The following PIEZO2 variants were observed in gnomAD, a reference collection of about 807,000 sequenced individuals.
PIEZO2 encodes the protein piezo type mechanosensitive ion channel component 2, also known as piezo-type mechanosensitive ion channel component 2.
A neutral mutation model predicts 337.3 loss-of-function variants in PIEZO2; 172 were observed. That is an observed-to-expected ratio of 0.51 (90% CI 0.45 to 0.58). The LOEUF (loss-of-function observed/expected upper bound fraction) is 0.58, where lower values mean the gene tolerates loss of function less well. PIEZO2 is among the 20% of genes least tolerant of loss of function. PIEZO2 has a pLI of 0.00. For missense variants in PIEZO2, 3,028 were observed against 3,391.3 expected, an observed-to-expected ratio of 0.89 and a Z score of 2.66; for synonymous variants, 1,251 against 1,228.5, an observed-to-expected ratio of 1.02 and a Z score of -0.38.
At chr18:10,769,735 G>A (rs1881091) in intron 21 of PIEZO2, 132,267 of 156,716 alleles carry the variant, frequency 0.84, 55,923 homozygotes, top group East Asian at 0.93. Flanking sequence ...AAGAAATCCA[G>A]TAGTAAACAA....
chr18:10,994,988 C>T (rs1304128697), intron 2 of PIEZO2, among the ~76,000 whole-genome samples: 2 of 148,482 alleles, frequency 1.3e-5, no homozygotes, highest in Non-Finnish European at 3.0e-5. Flanking sequence ...AGGAGAATTG[C>T]TTGAACCCGG....
chr18:10,957,937 A>C (rs1354437899), intron 3 of PIEZO2, among the ~76,000 whole-genome samples: 1 of 152,220 alleles, frequency 6.6e-6, no homozygotes, highest in Non-Finnish European at 1.5e-5. Flanking sequence ...GTCATCAGGG[A>C]AATGCAAATT....
intron 43 of PIEZO2, among the ~76,000 whole-genome samples, chr18:10,700,143 G>T (rs1292886410): frequency 6.6e-6 from 1 of 152,098 alleles, no homozygotes; most frequent in Non-Finnish European, 1.5e-5. Context: ...ATTATTTTAA[G>T]AGTTGTTTCC....
Position 11,148,828 on chromosome 18 carries a change from C to G in PIEZO2, c.-240G>C, listed in dbSNP as rs1435385377. The G allele has an allele frequency of 4.5e-6, 2 of 440,952 alleles. No individual in the cohort carries two copies. The highest frequency in any genetic ancestry group is 8.9e-5 in the Admixed American group (2 of 22,350). The allele number at this position is 440,952 out of a possible 1,614,324, so 27.3% of individuals were successfully genotyped here. ...CACCAGGCTCTTGGCGGCCACCTAG[C>G]CCGGCGCCCGGCCCCCTGCGGCCGG... On this transcript the variant is annotated 5_prime_UTR_variant, in exon 1 of 56. Coordinates refer to ENST00000674853, the MANE Select transcript of PIEZO2 (RefSeq NM_001378183.1). The surrounding 1 kb of genome is among the most constrained non-coding windows in gnomAD (Gnocchi z 5.2).
rs78684957 is a variant in PIEZO2, at chr18:10,997,491, T to A, written c.161-17831A>T. Among the ~76,000 whole-genome samples the A allele has an allele frequency of 2.0e-3, 304 of 152,298 alleles. 7 individuals are homozygous for A. In the East Asian group the frequency reaches 0.047, roughly 24 times the overall value. On this transcript the variant is annotated intron_variant, in intron 2 of 55. Coordinates refer to ENST00000674853, the MANE Select transcript of PIEZO2 (RefSeq NM_001378183.1). ...GAAAATGATTTTAAACCAACCATTA[T>A]AACCAGGCTCCATGATGTAAAAGTA...
At chr18:11,142,851 G>A (rs559997337) in intron 1 of PIEZO2, among the ~76,000 whole-genome samples, 24 of 151,752 alleles carry the variant, frequency 1.6e-4, no homozygotes, top group Middle Eastern at 7.0e-3. Flanking sequence ...GGCCAAGGTC[G>A]GGGGATCACG....
chr18:11,049,205 G>A (rs374103271), intron 2 of PIEZO2, among the ~76,000 whole-genome samples: 3 of 152,168 alleles, frequency 2.0e-5, no homozygotes, highest in African/African-American at 7.2e-5. Context: ...ATGAGTTCTT[G>A]TGAACAGCAC....
At chr18:11,098,809 T>A (rs989679983) in intron 1 of PIEZO2, among the ~76,000 whole-genome samples, 1 of 151,918 alleles carries the variant, frequency 6.6e-6, no homozygotes, top group African/African-American at 2.4e-5. Flanking sequence ...TAAAAAAAAT[T>A]TTTTTTGAGA....
chr18:11,120,279 G>T (rs2146192276), intron 1 of PIEZO2, among the ~76,000 whole-genome samples: 1 of 152,218 alleles, frequency 6.6e-6, no homozygotes. Flanking sequence ...CAAGTTCGGA[G>T]GCATCTTTTG....
intron 39 of PIEZO2, chr18:10,709,725 T>C (rs535454682): frequency 4.7e-4 from 72 of 152,378 alleles, no homozygotes; most frequent in African/African-American, 1.6e-3. Flanking sequence ...TCCCATGTGC[T>C]GGAGCACAAG....
chr18:10,931,741 A>AGG (rs1310538642), intron 3 of PIEZO2, among the ~76,000 whole-genome samples: 2 of 145,394 alleles, frequency 1.4e-5, no homozygotes, highest in Non-Finnish European at 3.0e-5. Flanking sequence ...AGAGAGAGAG[A>AGG]GGGAAAGCTC....
At chr18:11,137,222 A>G (rs758830485) in intron 1 of PIEZO2, among the ~76,000 whole-genome samples, 1 of 152,148 alleles carries the variant, frequency 6.6e-6, no homozygotes, top group Non-Finnish European at 1.5e-5. Context: ...CCTGAACCAC[A>G]TCTCTAACAT....
rs185347411 is a variant in PIEZO2, at chr18:10,975,073, G to T, written c.286+4462C>A. Reference sequence around the variant, plus strand: ...AGCTCACCTGGAACAAGAAAGGAAGGAGTCATTAATTGAAAAAGGAATAGA... The same window carrying T: ...AGCTCACCTGGAACAAGAAAGGAAGTAGTCATTAATTGAAAAAGGAATAGA... On this transcript the variant is annotated intron_variant, in intron 3 of 55. Coordinates refer to ENST00000674853, the MANE Select transcript of PIEZO2 (RefSeq NM_001378183.1). 7.2e-4 allele frequency among the ~76,000 whole-genome samples: 110 copies of T among 152,340 alleles called. 1 individual carries two copies. The highest frequency in any genetic ancestry group is 4.6e-4 in the Non-Finnish European group (31 of 68,034).
At chr18:10,981,330 A>C (rs1201520637) in intron 2 of PIEZO2, among the ~76,000 whole-genome samples, 1 of 152,186 alleles carries the variant, frequency 6.6e-6, no homozygotes, top group Admixed American at 6.5e-5. Flanking sequence ...AATCCATAAA[A>C]TATTAGCAAA....
In PIEZO2 at chr18:10,979,654, G is replaced by A. The variant is rs957467830; in HGVS notation, c.167C>T (p.Thr56Met). 6 of 1,534,326 alleles carry A rather than the reference G, an allele frequency of 3.9e-6. No individual in the cohort carries two copies. Among genetic ancestry groups the A allele is most frequent in the Non-Finnish European group, 5.2e-6 (6 of 1,144,942 alleles). The change falls in exon 3 of 56, where the codon ACG (threonine) becomes ATG (methionine). Residue 56 changes from threonine to methionine, a missense_variant. Physicochemically the swap from Thr to Met is moderately conservative, Grantham distance 81 (BLOSUM62 -1). Around this residue, in one of 5 missense-constraint regions of PIEZO2, gnomAD observed 542 missense variants for 605.6 expected, o/e 0.89. Coordinates refer to ENST00000674853, the MANE Select transcript of PIEZO2 (RefSeq NM_001378183.1). This position sits in a 1 kb window ranked among gnomAD's most constrained non-coding sequence, Gnocchi z 4.0. The stretch of plus-strand genomic sequence containing the variant: ...GCACAGAGACTTTAATAACCGTCCC[G>A]TATGTCCTAAGGGATAAAAAGTGCA... ...EPTKTTMQGH[T>M]GRLLKSLCFI...
intron 2 of PIEZO2, among the ~76,000 whole-genome samples, chr18:11,029,353 C>G (rs2036648385): frequency 6.6e-6 from 1 of 152,182 alleles, no homozygotes. Context: ...CTACCACATT[C>G]CATATCAAAT....
chr18:10,698,012 C>CGGATGCATTTGTGAACAATTTCTGA, intron 44 of PIEZO2, 132 bp from the exon 45 acceptor site: 1 of 1,062,350 alleles, frequency 9.4e-7, no homozygotes, highest in Non-Finnish European at 1.3e-6. Context: ...TGAGTATGCA[C>CGGATGCATTTGTGAACAATTTCTGA]GGCCTTGGGA....
chr18:10,742,689 T>G lies in PIEZO2; in HGVS notation c.4515-74A>C, dbSNP rs1031362507. ...TCATGTGGTCAGTACTTTGGACTTA[T>G]GCTGTTACGTATATAGCTAAATTCG... is the stretch of plus-strand genomic sequence containing the variant. On this transcript the variant is annotated intron_variant, in intron 31 of 55. Transcript: ENST00000674853. The G allele has an allele frequency of 3.4e-6, 5 of 1,475,736 alleles. No individual in the cohort carries two copies. The Admixed American group carries it at 8.3e-5, about 24-fold the overall frequency. The allele number at this position is 1,475,736 out of a possible 1,614,324, so 91.4% of individuals were successfully genotyped here.
intron 14 of PIEZO2, among the ~76,000 whole-genome samples, chr18:10,789,721 C>T (rs1394116228): frequency 6.6e-6 from 1 of 152,112 alleles, no homozygotes; most frequent in Non-Finnish European, 1.5e-5. Context: ...ATTCTAATTG[C>T]TTCATGGCTC....
Sources: allele counts gnomAD v4.1 joint callset (sites outside exome capture counted in the v4.1 genomes callset), GRCh38; gene constraint gnomAD v4.1.1; regional missense constraint gnomAD v4.1.1; non-coding constraint Gnocchi (gnomAD v3.1); transcripts MANE v1.5; gene names NCBI Gene and HGNC (gene_info 2026-07-23, HGNC 2026-07-21).